Variants in OPN3 observed in about 807,000 individuals in gnomAD.
OPN3 encodes opsin-3.
In OPN3, 29 loss-of-function variants were observed where a neutral mutation model predicts 33.8. The observed-to-expected ratio is 0.86, with a 90% CI of 0.64 to 1.17. OPN3 has a LOEUF of 1.17. Ranked by LOEUF, OPN3 falls within the 50% of genes most tolerant of loss-of-function variation. OPN3 has a pLI of 0.00. For missense variants in OPN3, 437 were observed against 514.1 expected (o/e 0.85, Z 1.45); for synonymous variants, 216 against 216.1 (o/e 1.00, Z 0.00).
chr1:241,618,641 C>A (rs1021570640), intron 1 of OPN3, among the ~76,000 whole-genome samples: 2 of 152,128 alleles, frequency 1.3e-5, no homozygotes, highest in Non-Finnish European at 2.9e-5. Flanking sequence ...CGCAGCCAGC[C>A]CATTTCTGGT....
chr1:241,611,996 CT>C (rs1664014980), intron 1 of OPN3, among the ~76,000 whole-genome samples: 1 of 152,134 alleles, frequency 6.6e-6, no homozygotes, highest in Admixed American at 6.5e-5. Context: ...GGAAGTTAAT[CT>C]TTGTTGGCTG....
In OPN3 at chr1:241,597,871, T is replaced by A; in HGVS notation, c.820A>T (p.Ile274Phe). 1 of 1,613,694 alleles carries A rather than the reference T, an allele frequency of 6.2e-7. No homozygotes were observed. The change falls in exon 3 of 4, where the codon ATC becomes TTC. Residue 274 changes from isoleucine (I) to phenylalanine (F), a missense_variant. Physicochemically the swap from Ile to Phe is conservative, Grantham distance 21 (BLOSUM62 0). Transcript: ENST00000366554. ...FLVCWMPYIV[I>F]CFLVVNGHGH... ...TGACCATTAACCACCAAGAAGCAGA[T>A]CACGATATAAGGCATCCAACAGACC...
intron 1 of OPN3, among the ~76,000 whole-genome samples, chr1:241,615,600 C>T (rs926098885): frequency 6.6e-6 from 1 of 152,104 alleles, no homozygotes; most frequent in Non-Finnish European, 1.5e-5. Context: ...GTTCATATTC[C>T]GTAAATGACT....
chr1:241,622,894 C>T (rs965806782), intron 1 of OPN3, among the ~76,000 whole-genome samples: 3 of 152,218 alleles, frequency 2.0e-5, no homozygotes, highest in Non-Finnish European at 2.9e-5. Flanking sequence ...TGGGCCGCAT[C>T]ATCCAGAGGC....
intron 1 of OPN3, chr1:241,633,247 A>G (rs1395324519): frequency 6.4e-6 from 1 of 156,482 alleles, no homozygotes; most frequent in Non-Finnish European, 1.4e-5. Flanking sequence ...TCTTTAAACG[A>G]TTATAGACAA....
At chr1:241,633,665 A>T in intron 1 of OPN3, 1 of 907,834 alleles carries the variant, frequency 1.1e-6, no homozygotes, top group Non-Finnish European at 1.7e-6. Context: ...TCTGAGAGTT[A>T]AAGACAACAT....
intron 1 of OPN3, chr1:241,633,431 T>C (rs1201373553): frequency 5.3e-6 from 1 of 189,522 alleles, no homozygotes; most frequent in East Asian, 1.6e-4. Flanking sequence ...ATTACTTGGG[T>C]ATTACTAATT....
At chr1:241,629,162 C>T (rs995009296) in intron 1 of OPN3, 1 of 152,358 alleles carries the variant, frequency 6.6e-6, no homozygotes, top group African/African-American at 2.4e-5. Flanking sequence ...GCTTTTTTCC[C>T]CCTTAAAGTT....
chr1:241,625,886 T>C (rs1029084041), intron 1 of OPN3, among the ~76,000 whole-genome samples: 1 of 152,204 alleles, frequency 6.6e-6, no homozygotes, highest in Non-Finnish European at 1.5e-5. Context: ...CATTGCAGAA[T>C]GTTGAACAAC....
At chr1:241,627,869 A>T (rs960798267) in intron 1 of OPN3, among the ~76,000 whole-genome samples, 4 of 152,184 alleles carry the variant, frequency 2.6e-5, no homozygotes, top group Non-Finnish European at 4.4e-5. Context: ...AAATAAAATT[A>T]ATCTTAATCA....
intron 2 of OPN3, among the ~76,000 whole-genome samples, chr1:241,599,937 A>T (rs900313319): frequency 3.3e-5 from 5 of 152,208 alleles, no homozygotes; most frequent in African/African-American, 1.2e-4. Context: ...GTATATGTAC[A>T]TTTATGATAC....
chr1:241,634,568 T>G, intron 1 of OPN3: 1 of 1,613,836 alleles, frequency 6.2e-7, no homozygotes, highest in Non-Finnish European at 8.5e-7. Flanking sequence ...ACGAAGACAA[T>G]AGATTCCACC....
intron 1 of OPN3, chr1:241,631,432 A>G (rs1045977776): frequency 2.0e-5 from 3 of 151,968 alleles, no homozygotes; most frequent in African/African-American, 7.2e-5. Flanking sequence ...TTACTATTTT[A>G]TAGGTCTATT....
At chr1:241,599,607 A>T (rs986582047) in intron 2 of OPN3, among the ~76,000 whole-genome samples, 2 of 152,136 alleles carry the variant, frequency 1.3e-5, no homozygotes, top group Non-Finnish European at 2.9e-5. Context: ...ATGGGATAGA[A>T]TATTTTTCTA....
intron 2 of OPN3, chr1:241,600,346 T>C (rs551284628): frequency 1.4e-5 from 2 of 147,036 alleles, no homozygotes; most frequent in East Asian, 3.9e-4. Flanking sequence ...TCATTAAATA[T>C]TTTCCAAATA....
chr1:241,626,768 G>A (rs969328207), intron 1 of OPN3, among the ~76,000 whole-genome samples: 3 of 152,186 alleles, frequency 2.0e-5, no homozygotes, highest in African/African-American at 7.2e-5. Flanking sequence ...TTACTTTTAT[G>A]TCAGAGATGA....
At position 241,604,420 on chromosome 1, in the gene OPN3, C is replaced by A; in HGVS notation, c.533G>T (p.Arg178Met). The change falls in exon 2 of 4, where the codon AGG becomes ATG. Residue 178 changes from arginine (R) to methionine (M), a missense_variant. Physicochemically the swap from Arg to Met is moderately conservative, Grantham distance 91 (BLOSUM62 -1). Transcript: ENST00000366554. Reference sequence around the variant, plus strand: ...TAGTCCGTGTACGTCCAGGATGTACCTGTTCCATCCCAGGAGAGGTGCTCC... The same window carrying A: ...TAGTCCGTGTACGTCCAGGATGTACATGTTCCATCCCAGGAGAGGTGCTCC... Reference protein sequence around the residue: ...WAGAPLLGWNRYILDVHGLGC... With the variant: ...WAGAPLLGWNMYILDVHGLGC... The A allele has an allele frequency of 6.2e-7, 1 of 1,614,158 alleles. No homozygotes were observed. Among genetic ancestry groups the A allele is most frequent in the Non-Finnish European group, 8.5e-7 (1 of 1,180,038 alleles).
intron 2 of OPN3, 133 bp downstream of exon 2, chr1:241,604,127 A>T: frequency 1.4e-6 from 1 of 728,716 alleles, no homozygotes; most frequent in Non-Finnish European, 2.3e-6. Flanking sequence ...ATTCAACCAG[A>T]TGGGAAGTCC....
chr1:241,636,966 A>AAT (rs1553357077), intron 1 of OPN3, among the ~76,000 whole-genome samples: 1 of 151,748 alleles, frequency 6.6e-6, no homozygotes, highest in South Asian at 2.1e-4. Flanking sequence ...AAAAAAAAAA[A>AAT]AATAATAAGG....
Sources: allele counts gnomAD v4.1 joint callset (sites outside exome capture counted in the v4.1 genomes callset), GRCh38; gene constraint gnomAD v4.1.1; transcripts MANE v1.5; gene names NCBI Gene and HGNC (gene_info 2026-07-23, HGNC 2026-07-21).